The following MAP2K4 variants were observed in gnomAD, a reference collection of about 807,000 sequenced individuals.
MAP2K4 encodes the protein mitogen-activated protein kinase kinase 4, also known as dual specificity mitogen-activated protein kinase kinase 4.
A neutral mutation model predicts 48.5 loss-of-function variants in MAP2K4; 4 were observed. That is an observed-to-expected ratio of 0.08 (90% confidence interval 0.04 to 0.19). The LOEUF (loss-of-function observed/expected upper bound fraction) is 0.19, where lower values mean the gene tolerates loss of function less well. Ranked by LOEUF, MAP2K4 falls within the 10% of genes least tolerant of loss-of-function variation. The probability of loss-of-function intolerance (pLI) is 1.00; values close to 1 mark genes in which losing one functional copy is unlikely to be tolerated. For missense variants in MAP2K4, 258 were observed against 493.3 expected (o/e 0.52, Z 4.52); for synonymous variants, 166 against 173.1 (o/e 0.96, Z 0.32).
chr17:12,142,359 G>A lies in MAP2K4; in HGVS notation c.*1099G>A, dbSNP rs188576778. ...TCACTGGTCCAGGTCTTCAGTTTCC[G>A]AATCTCTTTCCCTTCCCCTGTGGTC... On this transcript the variant is annotated 3_prime_UTR_variant, in exon 11 of 11. Coordinates refer to ENST00000353533, the MANE Select transcript of MAP2K4 (RefSeq NM_003010.4). 9.3e-4 allele frequency: 217 copies of A among 233,212 alleles called. 1 individual carries two copies. Among genetic ancestry groups the A allele is most frequent in the African/African-American group, 4.3e-3 (197 of 45,422 alleles). The allele number at this position is 233,212 out of a possible 1,614,324, so 14.4% of individuals were successfully genotyped here.
chr17:12,082,816 T>C (rs1268607689), intron 3 of MAP2K4, among the ~76,000 whole-genome samples: 2 of 152,256 alleles, frequency 1.3e-5, no homozygotes, highest in Non-Finnish European at 2.9e-5. Flanking sequence ...ATACAAACCG[T>C]AGACCTCTAA....
At position 12,026,061 on chromosome 17, in the gene MAP2K4, C is replaced by G. The variant is rs555204950; in HGVS notation, c.115+5060C>G. ...AGCAAATTAGTCCCCCCTCAAAGCT[C>G]AGACTGCATTTCTTCTTATGTTCCC... On this transcript the variant is annotated intron_variant, in intron 1 of 10. Coordinates refer to ENST00000353533, the MANE Select transcript of MAP2K4 (RefSeq NM_003010.4). Among the ~76,000 whole-genome samples the G allele has an allele frequency of 1.1e-4, 17 of 152,248 alleles. No individual in the cohort carries two copies. The East Asian group carries it at 3.3e-3, about 29-fold the overall frequency.
At chr17:12,113,811 G>GTA (rs943363339) in intron 7 of MAP2K4, among the ~76,000 whole-genome samples, 14 of 152,186 alleles carry the variant, frequency 9.2e-5, no homozygotes, top group Admixed American at 5.2e-4. Flanking sequence ...AAATGCAAAG[G>GTA]TAGAGGCCTT....
At chr17:12,077,471 T>C (rs1971049330) in intron 2 of MAP2K4, among the ~76,000 whole-genome samples, 2 of 152,228 alleles carry the variant, frequency 1.3e-5, no homozygotes, top group African/African-American at 4.8e-5. Context: ...CACTTTTCCA[T>C]AGAAAAGTCC....
chr17:12,116,534 A>AAAC (rs1972499510), intron 7 of MAP2K4, among the ~76,000 whole-genome samples: 1 of 152,216 alleles, frequency 6.6e-6, no homozygotes. Flanking sequence ...ACTTAGCTTA[A>AAAC]AACACAAACA....
At chr17:12,032,245 A>C (rs1167709736) in intron 1 of MAP2K4, 1 of 1,388,656 alleles carries the variant, frequency 7.2e-7, no homozygotes, top group South Asian at 1.5e-5. Context: ...AATGAACTGG[A>C]ACTTATCTTT....
intron 7 of MAP2K4, among the ~76,000 whole-genome samples, chr17:12,116,765 A>C (rs1298844361): frequency 2.6e-5 from 4 of 152,180 alleles, no homozygotes; most frequent in African/African-American, 9.7e-5. Context: ...ATCTCCTATG[A>C]TATCAATGCC....
intron 2 of MAP2K4, among the ~76,000 whole-genome samples, chr17:12,061,872 T>C (rs1300413241): frequency 6.6e-6 from 1 of 151,706 alleles, no homozygotes; most frequent in Non-Finnish European, 1.5e-5. Flanking sequence ...AAATTTGCTA[T>C]ATGAAGGTAA....
intron 7 of MAP2K4, among the ~76,000 whole-genome samples, chr17:12,114,744 G>C (rs927972779): frequency 1.3e-5 from 2 of 152,158 alleles, no homozygotes; most frequent in African/African-American, 4.8e-5. Flanking sequence ...AGCAGGCTTT[G>C]AAAATGCAAT....
chr17:12,075,809 CTG>C (rs2151543750), intron 2 of MAP2K4, among the ~76,000 whole-genome samples: 1 of 152,232 alleles, frequency 6.6e-6, no homozygotes, highest in East Asian at 1.9e-4. Flanking sequence ...TATTTAATGA[CTG>C]TGTTAAAATA....
chr17:12,068,742 CAT>C (rs1165168014), intron 2 of MAP2K4, among the ~76,000 whole-genome samples: 5 of 150,634 alleles, frequency 3.3e-5, no homozygotes, highest in South Asian at 2.1e-4. Flanking sequence ...TCAAAACATA[CAT>C]ATATATATTA....
chr17:12,066,770 A>G (rs1323930041), intron 2 of MAP2K4, among the ~76,000 whole-genome samples: 1 of 152,136 alleles, frequency 6.6e-6, no homozygotes, highest in Admixed American at 6.5e-5. Flanking sequence ...GCTCACTGCA[A>G]GCTCCGCCTT....
At chr17:12,063,180 A>C (rs967530075) in intron 2 of MAP2K4, among the ~76,000 whole-genome samples, 1 of 152,214 alleles carries the variant, frequency 6.6e-6, no homozygotes, top group African/African-American at 2.4e-5. Context: ...TTTGTAAAAC[A>C]GTAAGTTGGG....
intron 2 of MAP2K4, among the ~76,000 whole-genome samples, chr17:12,079,785 A>C (rs529397958): frequency 1.3e-5 from 2 of 152,286 alleles, no homozygotes; most frequent in East Asian, 3.9e-4. Context: ...TTTCAGGCTT[A>C]ATCTGTCTAC....
At chr17:12,063,393 G>GA (rs755320900) in intron 2 of MAP2K4, among the ~76,000 whole-genome samples, 2 of 151,954 alleles carry the variant, frequency 1.3e-5, no homozygotes, top group African/African-American at 2.4e-5. Context: ...TATTCAGTGG[G>GA]AAAAAAATAG....
At chr17:12,086,999 A>G (rs1011819778) in intron 3 of MAP2K4, among the ~76,000 whole-genome samples, 3 of 152,000 alleles carry the variant, frequency 2.0e-5, no homozygotes, top group Non-Finnish European at 4.4e-5. Flanking sequence ...GGCACGCACC[A>G]CCACACCCGG....
At chr17:12,133,445 A>G (rs1308992356) in intron 9 of MAP2K4, among the ~76,000 whole-genome samples, 1 of 152,152 alleles carries the variant, frequency 6.6e-6, no homozygotes, top group African/African-American at 2.4e-5. Context: ...TGCCTGTTGG[A>G]TAGTCATCGG....
At chr17:12,122,979 C>CA (rs1972738079) in intron 7 of MAP2K4, among the ~76,000 whole-genome samples, 1 of 152,064 alleles carries the variant, frequency 6.6e-6, no homozygotes, top group African/African-American at 2.4e-5. Context: ...GAGATAAACT[C>CA]TACTTGGTCA....
rs570185528 is a variant in MAP2K4, at chr17:12,098,464, C to G, written c.513+2770C>G. Reference sequence around the variant, plus strand: ...CTGCAGTCCAGCCTGGGCAACAGAGCGAGACTCCATCTCAAAAAAAAAAAA... The same window carrying G: ...CTGCAGTCCAGCCTGGGCAACAGAGGGAGACTCCATCTCAAAAAAAAAAAA... On this transcript the variant is annotated intron_variant, in intron 4 of 10. Coordinates refer to ENST00000353533, the MANE Select transcript of MAP2K4 (RefSeq NM_003010.4). 9.2e-5 allele frequency among the ~76,000 whole-genome samples: 13 copies of G among 140,576 alleles called. No homozygotes were observed. The South Asian group carries it at 2.3e-3, about 24-fold the overall frequency. 92.2% of individuals were successfully genotyped at this position (140,576 alleles called of 152,430 possible).
Sources: gnomAD v4.1 joint callset for allele counts (sites outside exome capture counted in the v4.1 genomes callset) on GRCh38, gnomAD v4.1.1 for gene constraint, MANE v1.5 for transcripts, NCBI Gene and HGNC (gene_info 2026-07-23, HGNC 2026-07-21) for gene names.